The following CYFIP2 variants were observed in gnomAD, a reference collection of about 807,000 sequenced individuals.
CYFIP2 encodes the protein cytoplasmic FMR1-interacting protein 2.
In CYFIP2, 29 loss-of-function variants were observed where a neutral mutation model predicts 158.7. The ratio of observed to expected loss-of-function variants is 0.18; its 90% CI spans 0.14 to 0.25. The LOEUF is 0.25. CYFIP2 is among the 10% of genes least tolerant of loss of function. CYFIP2 has a pLI of 1.00. For missense variants in CYFIP2, 852 were observed against 1,639.5 expected (o/e 0.52, Z 8.29); for synonymous variants, 585 against 617.6 (o/e 0.95, Z 0.78).
intron 1 of CYFIP2, among the ~76,000 whole-genome samples, chr5:157,280,609 C>T (rs1224184571): frequency 6.6e-6 from 1 of 151,930 alleles, no homozygotes; most frequent in Non-Finnish European, 1.5e-5. Context: ...GAGCTGGGAG[C>T]TTATAAACTG....
chr5:157,343,580 G>A, intron 23 of CYFIP2: 1 of 1,454,890 alleles, frequency 6.9e-7, no homozygotes, highest in Non-Finnish European at 9.3e-7. Context: ...GACATCCCCT[G>A]ATTTAAGTAT....
intron 28 of CYFIP2, among the ~76,000 whole-genome samples, chr5:157,385,576 A>G (rs1247251447): frequency 1.3e-5 from 2 of 152,116 alleles, no homozygotes; most frequent in Non-Finnish European, 2.9e-5. Context: ...CCAAGAAGAA[A>G]AACTTGGGGC....
intron 26 of CYFIP2, among the ~76,000 whole-genome samples, chr5:157,381,981 C>T (rs1246059132): frequency 1.3e-5 from 2 of 151,708 alleles, no homozygotes; most frequent in Non-Finnish European, 2.9e-5. Context: ...CCCTATCTCC[C>T]GTCTTGCCCT....
chr5:157,327,714 C>T (rs1190373134), intron 18 of CYFIP2, among the ~76,000 whole-genome samples: 1 of 152,136 alleles, frequency 6.6e-6, no homozygotes, highest in African/African-American at 2.4e-5. Flanking sequence ...AGGCAGGCGG[C>T]CTCGAAACAG....
intron 3 of CYFIP2, among the ~76,000 whole-genome samples, chr5:157,293,251 T>A (rs970060753): frequency 2.2e-4 from 34 of 152,184 alleles, no homozygotes; most frequent in Non-Finnish European, 4.4e-5. Flanking sequence ...AGACGGGGTT[T>A]TGCCATTTTG....
chr5:157,326,072 C>A, intron 17 of CYFIP2, 99 bp from the exon 18 acceptor site: 1 of 922,720 alleles, frequency 1.1e-6, no homozygotes, highest in Non-Finnish European at 1.8e-6. Flanking sequence ...ATGGTCTTTT[C>A]CTGACTGTGA....
chr5:157,334,072 G>A lies in CYFIP2; in HGVS notation c.2385+626G>A, dbSNP rs557907575. Among the ~76,000 whole-genome samples the A allele has an allele frequency of 1.5e-3, 235 of 152,300 alleles. 1 individual carries two copies. The highest frequency in any genetic ancestry group is 5.3e-3 in the African/African-American group (219 of 41,566). ...GGAAGATTTCAGTGCCTTCAAAAGCGAATGAACAGAAGGAGTGGGAAATGG... is the reference window on the plus strand; with the variant it reads ...GGAAGATTTCAGTGCCTTCAAAAGCAAATGAACAGAAGGAGTGGGAAATGG... On this transcript the variant is annotated intron_variant, in intron 21 of 30. Coordinates refer to ENST00000620254, the MANE Select transcript of CYFIP2 (RefSeq NM_001037333.3).
Position 157,287,248 on chromosome 5 carries a change from C to G in CYFIP2, c.207+140C>G, listed in dbSNP as rs1344357101. 4.8e-6 allele frequency: 3 copies of G among 621,412 alleles called. No individual in the cohort carries two copies. In the East Asian group the frequency reaches 8.8e-5, roughly 18 times the overall value. 38.5% of individuals were successfully genotyped at this position (621,412 alleles called of 1,614,324 possible). On this transcript the variant is annotated intron_variant, in intron 3 of 30. Transcript: ENST00000620254. ...AGTCAGAATCATCTGCTTAAGCCCA[C>G]TCTTACATTCTGCGCCATCCCCTGT... is the stretch of plus-strand genomic sequence containing the variant.
At chr5:157,338,103 G>A (rs550480426) in intron 21 of CYFIP2, among the ~76,000 whole-genome samples, 4 of 152,338 alleles carry the variant, frequency 2.6e-5, no homozygotes, top group African/African-American at 9.6e-5. Context: ...GATAGCAGTG[G>A]CGGGGAAGTT....
chr5:157,361,378 C>A lies in CYFIP2; in HGVS notation c.2909-90C>A. 1 of 1,558,850 alleles carries A rather than the reference C, an allele frequency of 6.4e-7. No homozygotes were observed. Among genetic ancestry groups the A allele is most frequent in the South Asian group, 1.1e-5 (1 of 87,124 alleles). On this transcript the variant is annotated intron_variant, in intron 25 of 30. Transcript: ENST00000620254. The surrounding 1 kb of genome is among the most constrained non-coding windows in gnomAD (Gnocchi z 4.4). ...GTTTGGCTTTTTGCTATCCCAGAGT[C>A]AGGTCTGGGGCTGCCACTCAGTCAT...
intron 23 of CYFIP2, chr5:157,343,265 A>G (rs36021229): frequency 6.2e-7 from 1 of 1,614,190 alleles, no homozygotes; most frequent in Non-Finnish European, 8.5e-7. Flanking sequence ...GGTGTGGAAC[A>G]TGGTGCAGTA....
intron 23 of CYFIP2, among the ~76,000 whole-genome samples, chr5:157,358,352 G>T (rs1763562594): frequency 6.6e-6 from 1 of 152,202 alleles, no homozygotes; most frequent in South Asian, 2.1e-4. Context: ...CATTTTGCCT[G>T]CTTCACATAT....
At chr5:157,378,375 T>G (rs1264803122) in intron 26 of CYFIP2, among the ~76,000 whole-genome samples, 1 of 152,204 alleles carries the variant, frequency 6.6e-6, no homozygotes, top group Non-Finnish European at 1.5e-5. Flanking sequence ...TTAGTTGCTA[T>G]AACCAAAAAC....
intron 23 of CYFIP2, chr5:157,343,561 G>C (rs1762458778): frequency 6.6e-7 from 1 of 1,520,446 alleles, no homozygotes; most frequent in African/African-American, 1.4e-5. Context: ...CAGAATCAAA[G>C]TGAAGAGTGA....
At chr5:157,281,427 A>G (rs1343214473) in intron 1 of CYFIP2, among the ~76,000 whole-genome samples, 1 of 152,190 alleles carries the variant, frequency 6.6e-6, no homozygotes, top group Non-Finnish European at 1.5e-5. Flanking sequence ...TCGGTTATCT[A>G]GTGGTATAGT....
At chr5:157,280,578 A>T (rs1014423060) in intron 1 of CYFIP2, among the ~76,000 whole-genome samples, 1 of 151,976 alleles carries the variant, frequency 6.6e-6, no homozygotes, top group African/African-American at 2.4e-5. Flanking sequence ...GTTACAGGAG[A>T]AAAAAAGGGA....
At chr5:157,293,443 C>G (rs566211434) in intron 3 of CYFIP2, among the ~76,000 whole-genome samples, 2 of 152,126 alleles carry the variant, frequency 1.3e-5, no homozygotes, top group Non-Finnish European at 2.9e-5. Context: ...TATTTTTTCA[C>G]GCTCGTTTTT....
At chr5:157,383,481 T>A in intron 28 of CYFIP2, 122 bp downstream of exon 28, 1 of 859,152 alleles carries the variant, frequency 1.2e-6, no homozygotes, top group Non-Finnish European at 1.8e-6. Context: ...CAATGTCCAA[T>A]ACCCAAAAAC....
intron 3 of CYFIP2, among the ~76,000 whole-genome samples, chr5:157,288,853 A>G (rs1379459941): frequency 6.6e-6 from 1 of 152,212 alleles, no homozygotes; most frequent in Non-Finnish European, 1.5e-5. Flanking sequence ...ATGTCATGGT[A>G]AAAGTTCAAA....
Sources: gnomAD v4.1 joint callset for allele counts (sites outside exome capture counted in the v4.1 genomes callset) on GRCh38, gnomAD v4.1.1 for gene constraint, Gnocchi (gnomAD v3.1) non-coding constraint, MANE v1.5 for transcripts, NCBI Gene and HGNC (gene_info 2026-07-23, HGNC 2026-07-21) for gene names.